The following SLC26A5 variants were observed in gnomAD, a reference collection of about 807,000 sequenced individuals.
SLC26A5 encodes the protein prestin.
In SLC26A5, 51 loss-of-function variants were observed where a neutral mutation model predicts 81.0. The observed-to-expected ratio is 0.63, with a 90% CI of 0.50 to 0.80. SLC26A5 has a LOEUF of 0.80. Among genes scored for constraint, SLC26A5 ranks in the 30% least tolerant of loss-of-function variants. The probability of loss-of-function intolerance (pLI) is 0.00; values close to 1 mark genes in which losing one functional copy is unlikely to be tolerated. For missense variants in SLC26A5, 771 were observed against 905.8 expected (o/e 0.85, Z 1.91); for synonymous variants, 325 against 332.8 (o/e 0.98, Z 0.25).
chr7:103,395,472 T>C (rs1020220444), intron 9 of SLC26A5, among the ~76,000 whole-genome samples: 41 of 141,518 alleles, frequency 2.9e-4, no homozygotes, highest in African/African-American at 9.5e-4. Context: ...TATATATATA[T>C]ACATATATAT....
chr7:103,427,123 G>T (rs189046802), intron 2 of SLC26A5, among the ~76,000 whole-genome samples: 57 of 151,614 alleles, frequency 3.8e-4, no homozygotes, highest in Admixed American at 3.7e-3. Context: ...GCCTAGGCTG[G>T]AGTGCAGTGG....
intron 4 of SLC26A5, among the ~76,000 whole-genome samples, chr7:103,419,686 T>C (rs548615886): frequency 2.5e-3 from 386 of 152,140 alleles, no homozygotes; most frequent in African/African-American, 9.0e-3. Flanking sequence ...TACAGGCACA[T>C]GCCACCATGC....
rs1821631476 is a variant in SLC26A5, at chr7:103,379,658, C to CA, written c.1585-324dup. 2.0e-5 allele frequency among the ~76,000 whole-genome samples: 3 copies of CA among 152,172 alleles called. No individual in the cohort carries two copies. In the South Asian group the frequency reaches 6.2e-4, roughly 32 times the overall value. On this transcript the variant is annotated intron_variant, in intron 15 of 19. Transcript: ENST00000306312. ...CACAAAGAAGAAACTGAAAAATACT[C>CA]AAAAACAGAAAAGAAAATGGACAGG...
chr7:103,368,918 G>C (rs900542791), intron 19 of SLC26A5: 1 of 22,986 alleles, frequency 4.4e-5, no homozygotes, highest in African/African-American at 9.4e-5. Context: ...GGTTATATTA[G>C]AATCCTCAAC....
Position 103,374,377 on chromosome 7 carries a change from C to A in SLC26A5, c.*22G>T. The A allele has an allele frequency of 6.2e-7, 1 of 1,611,820 alleles. No homozygotes were observed. The highest frequency in any genetic ancestry group is 1.1e-5 in the South Asian group (1 of 90,946). Reference sequence around the variant, plus strand: ...GAACTTCATGAGAGGCTTATAACCCCATCCTAGGGTGAGGTCCTCATCTAT... The same window carrying A: ...GAACTTCATGAGAGGCTTATAACCCAATCCTAGGGTGAGGTCCTCATCTAT... On this transcript the variant is annotated 3_prime_UTR_variant, in exon 20 of 20. Coordinates refer to ENST00000306312, the MANE Select transcript of SLC26A5 (RefSeq NM_198999.3).
chr7:103,373,324 A>G (rs1821134891), downstream of SLC26A5, among the ~76,000 whole-genome samples: 1 of 152,194 alleles, frequency 6.6e-6, no homozygotes, highest in South Asian at 2.1e-4. Flanking sequence ...ACGTTTTCTG[A>G]AGTGATGCGA....
At chr7:103,418,400 G>T (rs2116703325) in intron 4 of SLC26A5, among the ~76,000 whole-genome samples, 1 of 152,314 alleles carries the variant, frequency 6.6e-6, no homozygotes, top group Admixed American at 6.5e-5. Context: ...TTGCGTGGTT[G>T]TCAGCAGTCA....
At chr7:103,399,225 A>C (rs1823386591) in intron 8 of SLC26A5, among the ~76,000 whole-genome samples, 1 of 152,204 alleles carries the variant, frequency 6.6e-6, no homozygotes, top group African/African-American at 2.4e-5. Context: ...GGAATCTGGG[A>C]AACAGAATTA....
chr7:103,362,794 C>CTT (rs368268286), intron 19 of SLC26A5: 16,672 of 832,886 alleles, frequency 0.02, 196 homozygotes, highest in African/African-American at 0.062. Context: ...AAGGCTATGT[C>CTT]TTTTTTTTTT....
chr7:103,371,355 C>G (rs910172976), downstream of SLC26A5, among the ~76,000 whole-genome samples: 8 of 147,888 alleles, frequency 5.4e-5, no homozygotes, highest in South Asian at 2.1e-4. Flanking sequence ...GACGGAGTCT[C>G]GCTCTGTCGC....
chr7:103,421,569 TAGGGGA>T lies in SLC26A5; in HGVS notation c.-53-8_-53-3del. On this transcript the variant is annotated splice_region_variant and splice_polypyrimidine_tract_variant and intron_variant, in intron 2 of 19. Coordinates refer to ENST00000306312, the MANE Select transcript of SLC26A5 (RefSeq NM_198999.3). ...GAGACAAGCATTTCCTGAGTGTCACTAGGGGAAAAAAGAAAAACTCCATTTTACTTG... is the reference window on the plus strand; with the variant it reads ...GAGACAAGCATTTCCTGAGTGTCACTAAAAAGAAAAACTCCATTTTACTTG... 1.3e-6 allele frequency: 2 copies of T among 1,583,984 alleles called. No individual in the cohort carries two copies. The highest frequency in any genetic ancestry group is 8.7e-7 in the Non-Finnish European group (1 of 1,155,216).
chr7:103,363,479 A>T, intron 19 of SLC26A5: 1 of 1,545,976 alleles, frequency 6.5e-7, no homozygotes, highest in South Asian at 1.1e-5. Context: ...CTTTGTATAA[A>T]GATGTCTTTT....
chr7:103,375,731 G>C (rs976488522), intron 19 of SLC26A5, among the ~76,000 whole-genome samples: 3 of 151,648 alleles, frequency 2.0e-5, no homozygotes, highest in Non-Finnish European at 4.4e-5. Context: ...ACCACACCCA[G>C]CCTCAGGCAC....
At chr7:103,393,255 A>G (rs1822819125) in intron 9 of SLC26A5, among the ~76,000 whole-genome samples, 189 bp from the exon 10 acceptor site, 1 of 152,236 alleles carries the variant, frequency 6.6e-6, no homozygotes, top group Non-Finnish European at 1.5e-5. Context: ...TTTCAGGCTC[A>G]AACTGCAAAG....
chr7:103,403,358 T>G (rs1823760911), intron 8 of SLC26A5, among the ~76,000 whole-genome samples: 1 of 152,164 alleles, frequency 6.6e-6, no homozygotes, highest in Non-Finnish European at 1.5e-5. Flanking sequence ...TGATTTGGGG[T>G]GAAGAGTTCT....
intron 8 of SLC26A5, among the ~76,000 whole-genome samples, chr7:103,403,839 T>C (rs1482042171): frequency 6.6e-6 from 1 of 152,156 alleles, no homozygotes; most frequent in East Asian, 1.9e-4. Flanking sequence ...AATTTGCCAA[T>C]CTGTGTCTTT....
At chr7:103,352,924 A>C (rs1214514573) in exon 20 of SLC26A5, 6 of 780,812 alleles carry the variant, frequency 7.7e-6, no homozygotes, top group Non-Finnish European at 1.4e-5. Context: ...CTCTGTATGA[A>C]AGCTGAAACA....
At chr7:103,426,829 T>C (rs919350686) in intron 2 of SLC26A5, among the ~76,000 whole-genome samples, 3 of 152,250 alleles carry the variant, frequency 2.0e-5, no homozygotes, top group Non-Finnish European at 4.4e-5. Context: ...CAGACTCTTA[T>C]ATGACAGATA....
chr7:103,440,401 A>G (rs1826794368), intron 2 of SLC26A5, among the ~76,000 whole-genome samples: 1 of 152,214 alleles, frequency 6.6e-6, no homozygotes, highest in Non-Finnish European at 1.5e-5. Context: ...CTAGCACAAC[A>G]CTATTCTTAT....
Sources: allele counts gnomAD v4.1 joint callset (sites outside exome capture counted in the v4.1 genomes callset), GRCh38; gene constraint gnomAD v4.1.1; transcripts MANE v1.5; gene names NCBI Gene and HGNC (gene_info 2026-07-23, HGNC 2026-07-21).